The following QSER1 variants were observed in gnomAD, a reference collection of about 807,000 sequenced individuals.
The protein encoded by QSER1 is glutamine and serine rich 1.
QSER1 carries 49 observed loss-of-function variants against 158.5 expected under a neutral mutation model. The ratio of observed to expected loss-of-function variants is 0.31; its 90% confidence interval spans 0.25 to 0.39. QSER1 has a LOEUF of 0.39. Among genes scored for constraint, QSER1 ranks in the 10% least tolerant of loss-of-function variants. The pLI, the probability that QSER1 is intolerant of heterozygous loss-of-function variation, is 1.00. For missense variants in QSER1, 1,754 were observed against 2,010.3 expected (o/e 0.87, Z 2.44); for synonymous variants, 650 against 715.5 (o/e 0.91, Z 1.46).
intron 8 of QSER1, among the ~76,000 whole-genome samples, chr11:32,961,364 C>T (rs192454722): frequency 4.6e-5 from 7 of 152,290 alleles, no homozygotes; most frequent in Non-Finnish European, 8.8e-5. Context: ...ACATATCTCT[C>T]ATCCATGCAT....
intron 4 of QSER1, among the ~76,000 whole-genome samples, chr11:32,939,215 G>C (rs908748896): frequency 6.6e-6 from 1 of 152,010 alleles, no homozygotes; most frequent in South Asian, 2.1e-4. Flanking sequence ...CCAAACTGAC[G>C]AACAGCACTC....
At chr11:32,896,365 A>AT (rs1851555485) in intron 1 of QSER1, among the ~76,000 whole-genome samples, 1 of 152,148 alleles carries the variant, frequency 6.6e-6, no homozygotes, top group African/African-American at 2.4e-5. Context: ...ATTTTATTTT[A>AT]TTTTTTGCGA....
At chr11:32,919,990 A>T (rs895686388) in intron 1 of QSER1, among the ~76,000 whole-genome samples, 3 of 150,938 alleles carry the variant, frequency 2.0e-5, no homozygotes, top group Non-Finnish European at 4.4e-5. Context: ...GCACTTTCTT[A>T]CTTTCTGGCA....
At chr11:32,966,653 G>T (rs1248534427) in intron 9 of QSER1, among the ~76,000 whole-genome samples, 1 of 152,080 alleles carries the variant, frequency 6.6e-6, no homozygotes, top group African/African-American at 2.4e-5. Flanking sequence ...TGGGAAAATT[G>T]TATAGCTTCT....
intron 3 of QSER1, 63 bp downstream of exon 3, chr11:32,928,186 ATGGCC>A: frequency 1.0e-6 from 1 of 1,000,006 alleles, no homozygotes; most frequent in Non-Finnish European, 1.6e-6. Context: ...TATACATTTG[ATGGCC>A]TTGTCATTGT....
intron 1 of QSER1, among the ~76,000 whole-genome samples, chr11:32,896,912 A>T (rs1429180198): frequency 6.6e-6 from 1 of 152,204 alleles, no homozygotes; most frequent in Non-Finnish European, 1.5e-5. Flanking sequence ...AAAAGGCCTT[A>T]TAGATCATAA....
In QSER1 at chr11:32,932,519, A is replaced by C. The variant is rs773055461; in HGVS notation, c.1261A>C (p.Thr421Pro). The change falls in exon 4 of 13, where the codon ACC becomes CCC. Residue 421 changes from threonine to proline, a missense_variant. Coordinates refer to ENST00000650167, the MANE Select transcript of QSER1 (RefSeq NM_001076786.3). Reference protein sequence around the residue: ...SCSTEQPLTSTKTPKPQSIIP... With the variant: ...SCSTEQPLTSPKTPKPQSIIP... ...TTCTACAGAACAACCACTGACATCA[A>C]CCAAGACCCCTAAACCTCAAAGTAT... 6.2e-7 allele frequency: 1 copy of C among 1,614,140 alleles called. No homozygotes were observed.
intron 3 of QSER1, among the ~76,000 whole-genome samples, chr11:32,930,183 T>C (rs1158177456): frequency 6.6e-6 from 1 of 152,176 alleles, no homozygotes; most frequent in African/African-American, 2.4e-5. Context: ...ATAGGAGATC[T>C]CTGGTAAAGA....
chr11:32,966,242 AGT>A (rs1852744782), intron 8 of QSER1, 56 bp from the exon 9 acceptor site: 1 of 1,565,472 alleles, frequency 6.4e-7, no homozygotes, highest in Non-Finnish European at 8.7e-7. Flanking sequence ...TATAGAGAAA[AGT>A]GTTTTTAAAA....
intron 4 of QSER1, among the ~76,000 whole-genome samples, chr11:32,949,226 C>T (rs1852384546): frequency 6.6e-6 from 1 of 152,024 alleles, no homozygotes; most frequent in Admixed American, 6.6e-5. Context: ...TTTAGTATTT[C>T]CTTTTCTCAG....
chr11:32,958,812 C>T (rs1852570373), intron 8 of QSER1, among the ~76,000 whole-genome samples: 1 of 152,164 alleles, frequency 6.6e-6, no homozygotes, highest in Admixed American at 6.6e-5. Flanking sequence ...TAAATGCTTA[C>T]TACTATATAT....
At chr11:32,921,884 G>A (rs1161237968) in intron 1 of QSER1, among the ~76,000 whole-genome samples, 5 of 152,180 alleles carry the variant, frequency 3.3e-5, no homozygotes, top group Non-Finnish European at 7.4e-5. Flanking sequence ...ATAGTTATTT[G>A]TGGATTGATT....
chr11:32,936,043 AT>A lies in QSER1; in HGVS notation c.4177+619del, dbSNP rs535462058. On this transcript the variant is annotated intron_variant, in intron 4 of 12. Transcript: ENST00000650167. Reference sequence around the variant, plus strand: ...TGTGGCTAAGGGAGCTTTAGAGGAAATTTTTTTTTTTATACTTTAAGTTTTA... The same window carrying A: ...TGTGGCTAAGGGAGCTTTAGAGGAAATTTTTTTTTTATACTTTAAGTTTTA... Among the ~76,000 whole-genome samples the A allele has an allele frequency of 2.5e-3, 377 of 148,932 alleles. 6 individuals carry two copies. The highest frequency in any genetic ancestry group is 8.1e-3 in the African/African-American group (329 of 40,740).
chr11:32,904,326 G>A (rs1473717612), intron 1 of QSER1, among the ~76,000 whole-genome samples: 2 of 151,862 alleles, frequency 1.3e-5, no homozygotes, highest in African/African-American at 4.8e-5. Context: ...CTGAGTAGCT[G>A]GGATTAAGGC....
At chr11:32,964,769 C>CACACACACACACACAT (rs1564946573) in intron 8 of QSER1, among the ~76,000 whole-genome samples, 1 of 127,288 alleles carries the variant, frequency 7.9e-6, no homozygotes, top group South Asian at 2.5e-4. Context: ...CACACACACA[C>CACACACACACACACAT]ACACACACAC....
rs777703806 is a variant in QSER1 at position 32,956,094 on chromosome 11, C to T, written c.4724C>T (p.Pro1575Leu). Reference sequence around the variant, plus strand: ...TATGTCAGAGTGTGTTCTAAAAAGCCAAGAAATAAACCTTCACAAACTATC... The same window carrying T: ...TATGTCAGAGTGTGTTCTAAAAAGCTAAGAAATAAACCTTCACAAACTATC... ...KEYVRVCSKK[P>L]RNKPSQTIRT... The change falls in exon 7 of 13, where the codon CCA (proline) becomes CTA (leucine). Residue 1575 changes from proline (P) to leucine (L), a missense_variant. By Grantham distance (98) the Pro-to-Leu change is moderately conservative. This residue lies in a region of QSER1 where 1,707 missense variants were observed against 1,919.6 expected (regional missense o/e 0.89). Coordinates refer to ENST00000650167, the MANE Select transcript of QSER1 (RefSeq NM_001076786.3). 1 of 1,611,136 alleles carries T rather than the reference C, an allele frequency of 6.2e-7. No homozygotes were observed. Among genetic ancestry groups the T allele is most frequent in the Non-Finnish European group, 8.5e-7 (1 of 1,178,496 alleles).
In QSER1 at chr11:32,977,672, G is replaced by A. The variant is rs972145646; in HGVS notation, c.*1198G>A. ...AGCTTTCTTAGGTTTGATAGGTAGCGTTTCAAGTAGTTTAGCTGAGACAGT... is the reference window on the plus strand; with the variant it reads ...AGCTTTCTTAGGTTTGATAGGTAGCATTTCAAGTAGTTTAGCTGAGACAGT... On this transcript the variant is annotated 3_prime_UTR_variant, in exon 13 of 13. Coordinates refer to ENST00000650167, the MANE Select transcript of QSER1 (RefSeq NM_001076786.3). The A allele has an allele frequency of 5.2e-5, 8 of 152,566 alleles. No individual in the cohort carries two copies. Among genetic ancestry groups the A allele is most frequent in the East Asian group, 3.8e-4 (2 of 5,198 alleles). 9.5% of individuals were successfully genotyped at this position (152,566 alleles called of 1,614,324 possible). A position where few individuals can be genotyped will look rare whatever the true frequency, so the allele number is the denominator to read the frequency against.
chr11:32,949,689 T>A (rs189602766), intron 4 of QSER1, among the ~76,000 whole-genome samples: 140 of 152,332 alleles, frequency 9.2e-4, no homozygotes, highest in African/African-American at 3.2e-3. Context: ...TATAGCATTA[T>A]AGAAATATGT....
intron 4 of QSER1, among the ~76,000 whole-genome samples, chr11:32,952,953 C>T (rs940441956): frequency 6.6e-6 from 1 of 151,908 alleles, no homozygotes; most frequent in Non-Finnish European, 1.5e-5. Flanking sequence ...AAGGCGCGCA[C>T]CACCACGCCC....
Sources: allele counts gnomAD v4.1 joint callset (sites outside exome capture counted in the v4.1 genomes callset), GRCh38; gene constraint gnomAD v4.1.1; regional missense constraint gnomAD v4.1.1; transcripts MANE v1.5; gene names NCBI Gene and HGNC (gene_info 2026-07-23, HGNC 2026-07-21).